Variants in NLGN1 observed in about 807,000 individuals in gnomAD.
NLGN1 encodes neuroligin-1.
In NLGN1, 12 loss-of-function variants were observed where a neutral mutation model predicts 65.5. That is an observed-to-expected ratio of 0.18 (90% confidence interval 0.12 to 0.30). NLGN1 has a LOEUF of 0.30. Ranked by LOEUF, NLGN1 falls within the 10% of genes least tolerant of loss-of-function variation. The pLI, the probability that NLGN1 is intolerant of heterozygous loss-of-function variation, is 1.00. For synonymous variants in NLGN1, 350 were observed against 359.5 expected (o/e 0.97, Z 0.30); for missense variants, 750 against 1,007.1 (o/e 0.74, Z 3.46).
At chr3:173,699,246 T>G (rs1311033943) in intron 3 of NLGN1, among the ~76,000 whole-genome samples, 1 of 152,054 alleles carries the variant, frequency 6.6e-6, no homozygotes, top group Non-Finnish European at 1.5e-5. Context: ...TTTAATATGG[T>G]TTACCAAGCC....
intron 2 of NLGN1, among the ~76,000 whole-genome samples, chr3:173,568,224 C>CT (rs1363291861): frequency 1.4e-5 from 2 of 140,474 alleles, no homozygotes; most frequent in East Asian, 2.1e-4. Context: ...TTTTCCTTTC[C>CT]TTTCCTTTTC....
chr3:173,746,970 A>G (rs1775484126), intron 3 of NLGN1, among the ~76,000 whole-genome samples: 1 of 151,670 alleles, frequency 6.6e-6, no homozygotes, highest in Non-Finnish European at 1.5e-5. Context: ...GAGGCAGGAG[A>G]ATAGCTTGAA....
chr3:174,113,591 T>C (rs2152624461), intron 4 of NLGN1, among the ~76,000 whole-genome samples: 1 of 152,194 alleles, frequency 6.6e-6, no homozygotes, highest in Admixed American at 6.5e-5. Flanking sequence ...TTTGCAACAA[T>C]TGTTGCCATT....
chr3:174,242,392 C>A (rs1025006261), intron 4 of NLGN1, among the ~76,000 whole-genome samples: 98 of 152,034 alleles, frequency 6.4e-4, no homozygotes, highest in African/African-American at 2.3e-3. Context: ...GACTGTCTCA[C>A]AAAAACAAAA....
chr3:174,232,778 G>A (rs1223842776), intron 4 of NLGN1, among the ~76,000 whole-genome samples: 2 of 152,192 alleles, frequency 1.3e-5, no homozygotes, highest in Non-Finnish European at 2.9e-5. Flanking sequence ...TTGTCATGTA[G>A]ATGAAGCCTC....
At chr3:173,960,183 A>G (rs1713193783) in intron 4 of NLGN1, among the ~76,000 whole-genome samples, 1 of 151,968 alleles carries the variant, frequency 6.6e-6, no homozygotes, top group South Asian at 2.1e-4. Context: ...TTTCTTCTTT[A>G]CAGTGTATTC....
intron 4 of NLGN1, among the ~76,000 whole-genome samples, chr3:174,113,170 A>T (rs970342136): frequency 1.3e-5 from 2 of 151,992 alleles, no homozygotes; most frequent in African/African-American, 4.8e-5. Context: ...AAGTACTTTG[A>T]CATTTTTCTT....
At chr3:174,023,137 C>T (rs756106396) in intron 4 of NLGN1, among the ~76,000 whole-genome samples, 1 of 152,170 alleles carries the variant, frequency 6.6e-6, no homozygotes, top group East Asian at 1.9e-4. Flanking sequence ...GACAATATGC[C>T]GTTGCTACCT....
At chr3:173,541,130 A>G (rs1419055542) in intron 2 of NLGN1, among the ~76,000 whole-genome samples, 1 of 152,194 alleles carries the variant, frequency 6.6e-6, no homozygotes, top group African/African-American at 2.4e-5. Flanking sequence ...TATAAGATAT[A>G]AACAATGTTT....
intron 4 of NLGN1, among the ~76,000 whole-genome samples, chr3:173,962,432 C>T (rs768573758): frequency 6.6e-6 from 1 of 152,066 alleles, no homozygotes; most frequent in Non-Finnish European, 1.5e-5. Context: ...GGCTTAGTTA[C>T]CCCAAATGTG....
rs529783157 is a variant in NLGN1 at position 173,697,598 on chromosome 3, G to C, written c.493+92507G>C. 2.0e-3 allele frequency among the ~76,000 whole-genome samples: 306 copies of C among 152,098 alleles called. 1 individual carries two copies. The highest frequency in any genetic ancestry group is 7.2e-3 in the African/African-American group (297 of 41,486). On this transcript the variant is annotated intron_variant, in intron 3 of 6. Coordinates refer to ENST00000457714, the Ensembl canonical transcript of NLGN1. Reference sequence around the variant, plus strand: ...GCTGGAGTGCAATGGTGCGATCTCAGCTCACCGCAACCTCTGCCTCCCGGG... The same window carrying C: ...GCTGGAGTGCAATGGTGCGATCTCACCTCACCGCAACCTCTGCCTCCCGGG...
chr3:173,836,427 A>C (rs772157843), intron 4 of NLGN1, among the ~76,000 whole-genome samples: 7 of 152,146 alleles, frequency 4.6e-5, no homozygotes, highest in African/African-American at 7.2e-5. Flanking sequence ...ACTACTAATA[A>C]TAATAGTTTA....
intron 3 of NLGN1, among the ~76,000 whole-genome samples, chr3:173,621,860 T>G (rs1754043956): frequency 1.3e-5 from 2 of 152,052 alleles, no homozygotes; most frequent in Non-Finnish European, 2.9e-5. Flanking sequence ...CTTGTGAAAT[T>G]TTCAGCAAAA....
chr3:173,600,817 G>A (rs1055004709), intron 2 of NLGN1, among the ~76,000 whole-genome samples: 8 of 151,608 alleles, frequency 5.3e-5, no homozygotes, highest in Non-Finnish European at 1.2e-4. Flanking sequence ...AACATTCAGT[G>A]CAATAGCTTG....
intron 4 of NLGN1, among the ~76,000 whole-genome samples, chr3:174,273,954 G>GT (rs1561448936): frequency 6.6e-6 from 1 of 151,374 alleles, no homozygotes; most frequent in African/African-American, 2.4e-5. Flanking sequence ...TCATGGTTTT[G>GT]TTTTCATAAA....
intron 2 of NLGN1, among the ~76,000 whole-genome samples, chr3:173,483,660 T>C (rs2148977315): frequency 6.6e-6 from 1 of 152,212 alleles, no homozygotes; most frequent in East Asian, 1.9e-4. Flanking sequence ...TCTTAAGAAG[T>C]TGTTCCACTT....
intron 2 of NLGN1, among the ~76,000 whole-genome samples, chr3:173,598,717 T>A (rs1422979551): frequency 6.6e-6 from 1 of 152,194 alleles, no homozygotes; most frequent in African/African-American, 2.4e-5. Context: ...CCTTTTACTT[T>A]TCTTTCTGTC....
chr3:173,642,683 C>G (rs528599714), intron 3 of NLGN1, among the ~76,000 whole-genome samples: 6 of 152,238 alleles, frequency 3.9e-5, no homozygotes, highest in East Asian at 1.9e-4. Context: ...AAGCAAGATT[C>G]AAAAGGCTTT....
chr3:174,187,195 C>T (rs551652249), intron 4 of NLGN1, among the ~76,000 whole-genome samples: 35 of 151,806 alleles, frequency 2.3e-4, no homozygotes, highest in Non-Finnish European at 4.9e-4. Context: ...AGATGAAGAA[C>T]CCTCAGATAT....
Sources: gnomAD v4.1 joint callset for allele counts (sites outside exome capture counted in the v4.1 genomes callset) on GRCh38, gnomAD v4.1.1 for gene constraint, MANE v1.5 for transcripts, NCBI Gene and HGNC (gene_info 2026-07-23, HGNC 2026-07-21) for gene names.